The following PCDHA1 variants were observed in gnomAD, a reference collection of about 807,000 sequenced individuals.
PCDHA1 encodes the protein protocadherin alpha 1, also known as protocadherin alpha-1.
Under a neutral mutation model 61.3 loss-of-function variants are expected in PCDHA1, and 42 were observed. The observed-to-expected ratio is 0.69, with a 90% CI of 0.54 to 0.89. The LOEUF (loss-of-function observed/expected upper bound fraction) is 0.89. PCDHA1 is among the 40% of genes least tolerant of loss of function. PCDHA1 has a pLI of 0.00. For missense variants in PCDHA1, 1,256 were observed against 1,235.3 expected (o/e 1.02, Z -0.25); for synonymous variants, 610 against 553.8 (o/e 1.10, Z -1.43).
chr5:140,869,211 G>C (rs375218342), intron 1 of PCDHA1: 26 of 1,613,838 alleles, frequency 1.6e-5, no homozygotes, highest in African/African-American at 1.5e-4. Flanking sequence ...ACTCCGTCTC[G>C]GAGGAGGCCA....
At position 141,003,524 on chromosome 5, in the gene PCDHA1, G is replaced by T. The variant is rs2098128799; in HGVS notation, c.2543-6103G>T. On this transcript the variant is annotated intron_variant, in intron 3 of 3. Coordinates refer to ENST00000504120, the MANE Select transcript of PCDHA1 (RefSeq NM_018900.4). ...GATGGGGTTTCACCATGTTCCCTAG[G>T]CTGGTCTTGAACTCCTGGCTTCAAG... 4.6e-5 allele frequency among the ~76,000 whole-genome samples: 7 copies of T among 152,070 alleles called. No individual in the cohort carries two copies. In the South Asian group the frequency reaches 1.5e-3, roughly 32 times the overall value.
At chr5:140,884,810 G>A in intron 1 of PCDHA1, 1 of 1,150,538 alleles carries the variant, frequency 8.7e-7, no homozygotes, top group Non-Finnish European at 1.2e-6. Context: ...CAACTCTGCT[G>A]TGGACATTAT....
intron 1 of PCDHA1, chr5:140,805,037 A>C (rs1399242913): frequency 2.4e-5 from 38 of 1,585,760 alleles, no homozygotes; most frequent in Non-Finnish European, 2.9e-5. Context: ...TAATAGAGTC[A>C]GCCAAAGTAC....
intron 1 of PCDHA1, chr5:140,796,200 C>T (rs567270968): frequency 1.2e-6 from 2 of 1,614,204 alleles, no homozygotes; most frequent in Admixed American, 1.7e-5. Flanking sequence ...TGGACAGCGC[C>T]CTGGACCGCG....
At chr5:140,803,671 A>T (rs782450131) in intron 1 of PCDHA1, 2 of 1,599,252 alleles carry the variant, frequency 1.3e-6, no homozygotes, top group Non-Finnish European at 1.7e-6. Context: ...GAAATACATT[A>T]ATAGTTAAGT....
intron 1 of PCDHA1, among the ~76,000 whole-genome samples, chr5:140,845,529 C>T (rs1215652853): frequency 6.7e-6 from 1 of 149,420 alleles, no homozygotes; most frequent in Non-Finnish European, 1.5e-5. Context: ...TAATACTTTT[C>T]ACTATTCTAA....
At chr5:140,871,202 T>C in intron 1 of PCDHA1, 1 of 1,613,730 alleles carries the variant, frequency 6.2e-7, no homozygotes, top group Non-Finnish European at 8.5e-7. Context: ...GTGTACCTGA[T>C]CATCGCCATC....
intron 1 of PCDHA1, chr5:140,830,284 G>C (rs2150184332): frequency 6.2e-7 from 1 of 1,613,852 alleles, no homozygotes; most frequent in Admixed American, 1.7e-5. Context: ...CCGAGGGCGC[G>C]TGCACGGCGG....
intron 1 of PCDHA1, among the ~76,000 whole-genome samples, chr5:140,942,439 A>C (rs1554214983): frequency 6.6e-6 from 1 of 152,200 alleles, no homozygotes; most frequent in Non-Finnish European, 1.5e-5. Context: ...AACAATAAAC[A>C]AGTAAACTAT....
At chr5:140,863,310 G>A (rs2047937786) in intron 1 of PCDHA1, 2 of 1,463,012 alleles carry the variant, frequency 1.4e-6, no homozygotes, top group Non-Finnish European at 1.9e-6. Context: ...CCATCTGCGT[G>A]GTGTCCAGCC....
chr5:140,863,055 G>T (rs570398935), intron 1 of PCDHA1: 9 of 563,522 alleles, frequency 1.6e-5, no homozygotes, highest in African/African-American at 1.3e-4. Context: ...GGCAGCACCC[G>T]TTCCACGTGG....
chr5:140,853,897 G>T lies in PCDHA1; in HGVS notation c.2394+65213G>T, dbSNP rs1222195078. Reference sequence around the variant, plus strand: ...AGTTTCTGTAATTTAAAAAGATGTGGTGGCCTGACACCTGCAATCCCAACA... The same window carrying T: ...AGTTTCTGTAATTTAAAAAGATGTGTTGGCCTGACACCTGCAATCCCAACA... On this transcript the variant is annotated intron_variant, in intron 1 of 3. Coordinates refer to ENST00000504120, the MANE Select transcript of PCDHA1 (RefSeq NM_018900.4). 24 of 967,496 alleles carry T rather than the reference G, an allele frequency of 2.5e-5. 1 individual carries two copies. In the African/African-American group the frequency reaches 4.3e-4, roughly 17 times the overall value. The allele number at this position is 967,496 out of a possible 1,614,324, so 59.9% of individuals were successfully genotyped here.
chr5:140,978,789 A>G (rs2153817382), intron 1 of PCDHA1, 160 bp from the exon 2 acceptor site: 22 of 974,564 alleles, frequency 2.3e-5, no homozygotes, highest in Non-Finnish European at 2.6e-5. Flanking sequence ...CTAAAGTGCT[A>G]TATATGTAGA....
rs782058857 is a variant in PCDHA1 at position 140,870,963 on chromosome 5, G to A, written c.2394+82279G>A. Reference sequence around the variant, plus strand: ...CGGCGGCGGGCGGCTCGCGCATCCCGTTCCGCGTGGGGCTGTACACGGGCG... The same window carrying A: ...CGGCGGCGGGCGGCTCGCGCATCCCATTCCGCGTGGGGCTGTACACGGGCG... On this transcript the variant is annotated intron_variant, in intron 1 of 3. Coordinates refer to ENST00000504120, the MANE Select transcript of PCDHA1 (RefSeq NM_018900.4). 1.4e-5 allele frequency: 22 copies of A among 1,613,504 alleles called. 1 individual carries two copies. The highest frequency in any genetic ancestry group is 1.9e-5 in the Non-Finnish European group (22 of 1,179,890).
intron 1 of PCDHA1, chr5:140,928,268 G>A: frequency 6.2e-7 from 1 of 1,614,164 alleles, no homozygotes; most frequent in Non-Finnish European, 8.5e-7. Context: ...GAAAACAATG[G>A]CCCTGGGGCC....
At chr5:140,941,754 T>A (rs2093159057) in intron 1 of PCDHA1, among the ~76,000 whole-genome samples, 1 of 152,256 alleles carries the variant, frequency 6.6e-6, no homozygotes, top group African/African-American at 2.4e-5. Context: ...AGATTTTCAG[T>A]GCTTTTAAGA....
At chr5:140,893,182 AT>A (rs782024176) in intron 1 of PCDHA1, among the ~76,000 whole-genome samples, 5 of 152,238 alleles carry the variant, frequency 3.3e-5, no homozygotes, top group Non-Finnish European at 5.9e-5. Context: ...CATAGTAGCT[AT>A]TGTGAATAGT....
rs1320219732 is a variant in PCDHA1, at chr5:140,966,886, G to A, written c.2395-12063G>A. On this transcript the variant is annotated intron_variant, in intron 1 of 3. Coordinates refer to ENST00000504120, the MANE Select transcript of PCDHA1 (RefSeq NM_018900.4). Reference sequence around the variant, plus strand: ...TGCTGCTGCTGCTACCTGGCCCTGCGGCCTCCCAGCTGCGATACTCTGTGC... The same window carrying A: ...TGCTGCTGCTGCTACCTGGCCCTGCAGCCTCCCAGCTGCGATACTCTGTGC... The A allele has an allele frequency of 5.7e-6, 9 of 1,592,130 alleles. No individual in the cohort carries two copies. The Admixed American group carries it at 1.0e-4, about 18-fold the overall frequency.
Position 140,848,909 on chromosome 5 carries a change from G to T in PCDHA1, c.2394+60225G>T, listed in dbSNP as rs2150424301. 6.2e-5 allele frequency: 99 copies of T among 1,608,232 alleles called. No individual in the cohort carries two copies. The African/African-American group carries it at 1.2e-3, about 19-fold the overall frequency. ...CTCCAGTGTTCCCAGCGACACAAAA[G>T]AATCTGTTCATCGCGGAATCCAGGC... On this transcript the variant is annotated intron_variant, in intron 1 of 3. Transcript: ENST00000504120.
Sources: gnomAD v4.1 joint callset for allele counts (sites outside exome capture counted in the v4.1 genomes callset) on GRCh38, gnomAD v4.1.1 for gene constraint, MANE v1.5 for transcripts, NCBI Gene and HGNC (gene_info 2026-07-23, HGNC 2026-07-21) for gene names.